Variants in IQGAP2 observed in about 807,000 individuals in gnomAD.
IQGAP2 encodes IQ motif containing GTPase activating protein 2.
A neutral mutation model predicts 201.3 loss-of-function variants in IQGAP2; 173 were observed. The ratio of observed to expected loss-of-function variants is 0.86; its 90% confidence interval spans 0.76 to 0.98. The LOEUF (loss-of-function observed/expected upper bound fraction) is 0.98, where lower values mean the gene tolerates loss of function less well. Among genes scored for constraint, IQGAP2 ranks in the 50% least tolerant of loss-of-function variants. The pLI, the probability that IQGAP2 is intolerant of heterozygous loss-of-function variation, is 0.00. For synonymous variants in IQGAP2, 675 were observed against 673.9 expected (o/e 1.00, Z -0.03); for missense variants, 1,687 against 1,864.8 (o/e 0.90, Z 1.76).
intron 7 of IQGAP2, among the ~76,000 whole-genome samples, chr5:76,589,959 C>T (rs1746530990): frequency 6.6e-6 from 1 of 152,106 alleles, no homozygotes; most frequent in Admixed American, 6.5e-5. Flanking sequence ...CTAGAAATAC[C>T]TTCATTGTCC....
At chr5:76,654,704 C>A (rs1376746000) in intron 19 of IQGAP2, among the ~76,000 whole-genome samples, 1 of 152,168 alleles carries the variant, frequency 6.6e-6, no homozygotes, top group Admixed American at 6.5e-5. Flanking sequence ...CTTTTTAGAT[C>A]TCTTTGTCTA....
intron 1 of IQGAP2, among the ~76,000 whole-genome samples, chr5:76,426,906 G>GTGTGTGTGTGTT (rs1752037433): frequency 7.2e-5 from 1 of 13,828 alleles, no homozygotes; most frequent in Non-Finnish European, 1.3e-4. Flanking sequence ...ACCATGGAGG[G>GTGTGTGTGTGTT]TGTGTGTGTG....
At chr5:76,556,795 A>G (rs1436781533) in intron 2 of IQGAP2, among the ~76,000 whole-genome samples, 1 of 152,222 alleles carries the variant, frequency 6.6e-6, no homozygotes, top group South Asian at 2.1e-4. Flanking sequence ...GGAGTTTCCA[A>G]GTTGTATCTT....
chr5:76,660,988 G>A (rs1218580946), intron 21 of IQGAP2, among the ~76,000 whole-genome samples: 1 of 152,150 alleles, frequency 6.6e-6, no homozygotes, highest in Non-Finnish European at 1.5e-5. Flanking sequence ...GGAGAAAATA[G>A]TGCCTAAGGT....
chr5:76,492,878 A>G (rs76665346), intron 2 of IQGAP2, among the ~76,000 whole-genome samples: 2,217 of 152,290 alleles, frequency 0.015, 51 homozygotes, highest in African/African-American at 0.05. Context: ...AAATCACCTT[A>G]GTTGTCACGT....
intron 13 of IQGAP2, among the ~76,000 whole-genome samples, chr5:76,619,060 A>G (rs1438143220): frequency 6.6e-6 from 1 of 152,232 alleles, no homozygotes; most frequent in Non-Finnish European, 1.5e-5. Context: ...AATGAGTAAG[A>G]TTCTGCTGGT....
intron 2 of IQGAP2, among the ~76,000 whole-genome samples, chr5:76,551,656 C>A (rs1409231343): frequency 1.3e-5 from 2 of 151,878 alleles, no homozygotes; most frequent in African/African-American, 4.8e-5. Flanking sequence ...AGCTGGAGAC[C>A]AGCCCAGCCA....
chr5:76,573,246 C>A (rs986361898), intron 4 of IQGAP2, among the ~76,000 whole-genome samples: 3 of 152,180 alleles, frequency 2.0e-5, no homozygotes, highest in African/African-American at 7.2e-5. Context: ...TAGGGCCAAA[C>A]AAGTGGTGTT....
intron 20 of IQGAP2, among the ~76,000 whole-genome samples, chr5:76,656,560 T>C (rs1232347093): frequency 6.6e-6 from 1 of 152,220 alleles, no homozygotes; most frequent in Admixed American, 6.5e-5. Flanking sequence ...TTGCTGTTGC[T>C]TTTATATATG....
chr5:76,461,504 T>G, intron 1 of IQGAP2, 66 bp from the exon 2 acceptor site: 1 of 1,077,160 alleles, frequency 9.3e-7, no homozygotes, highest in Non-Finnish European at 1.4e-6. Context: ...TTTTTCTGAT[T>G]GATTGTCTCA....
At chr5:76,529,610 A>C (rs1007774876) in intron 2 of IQGAP2, among the ~76,000 whole-genome samples, 5 of 150,496 alleles carry the variant, frequency 3.3e-5, no homozygotes, top group Non-Finnish European at 5.9e-5. Context: ...CCTGGGTGAC[A>C]GACCAAGACT....
At chr5:76,608,766 G>T (rs1748011684) in intron 12 of IQGAP2, 1 of 171,782 alleles carries the variant, frequency 5.8e-6, no homozygotes, top group Admixed American at 5.7e-5. Context: ...AACCATAAAG[G>T]AGCATTATTT....
rs566486594 is a variant in IQGAP2, at chr5:76,551,416, G to A, written c.147-10980G>A. Reference sequence around the variant, plus strand: ...GCTCCTCACATCCCAGATGATGGGCGGCCAGGCAGAGACACTCCTCACTTC... The same window carrying A: ...GCTCCTCACATCCCAGATGATGGGCAGCCAGGCAGAGACACTCCTCACTTC... On this transcript the variant is annotated intron_variant, in intron 2 of 35. Transcript: ENST00000274364. Among the ~76,000 whole-genome samples the A allele has an allele frequency of 1.4e-3, 207 of 150,014 alleles. 1 individual carries two copies. The highest frequency in any genetic ancestry group is 3.9e-3 in the African/African-American group (154 of 39,536).
chr5:76,570,714 A>C lies in IQGAP2; in HGVS notation c.381+57A>C, dbSNP rs1348546646. On this transcript the variant is annotated intron_variant, in intron 4 of 35. Transcript: ENST00000274364. ...AAAGGCAAAGGGGTAGTACACAAAC[A>C]TCTCTTTATGAGCAATGACTTTGGA... The C allele has an allele frequency of 5.3e-6, 6 of 1,126,152 alleles. No homozygotes were observed. The African/African-American group carries it at 9.2e-5, about 17-fold the overall frequency. 69.8% of individuals were successfully genotyped at this position (1,126,152 alleles called of 1,614,324 possible). A position where few individuals can be genotyped will look rare whatever the true frequency, so the allele number is the denominator to read the frequency against.
intron 2 of IQGAP2, among the ~76,000 whole-genome samples, chr5:76,533,863 C>T (rs1356393721): frequency 6.6e-6 from 1 of 152,150 alleles, no homozygotes; most frequent in Non-Finnish European, 1.5e-5. Context: ...AAAATTGTCT[C>T]TATTTATTGA....
chr5:76,482,529 A>T (rs992901051), intron 2 of IQGAP2, among the ~76,000 whole-genome samples: 1 of 152,194 alleles, frequency 6.6e-6, no homozygotes, highest in Non-Finnish European at 1.5e-5. Flanking sequence ...GATAGTACAT[A>T]CAGAAGGAAG....
intron 5 of IQGAP2, among the ~76,000 whole-genome samples, chr5:76,583,745 T>G (rs1746041369): frequency 6.6e-6 from 1 of 152,238 alleles, no homozygotes; most frequent in South Asian, 2.1e-4. Flanking sequence ...TGGAAATAGC[T>G]ATCTAACTTC....
At chr5:76,582,078 T>A (rs1047401129) in intron 5 of IQGAP2, among the ~76,000 whole-genome samples, 8 of 152,158 alleles carry the variant, frequency 5.3e-5, no homozygotes, top group Non-Finnish European at 1.2e-4. Context: ...TGTGCAGTGG[T>A]CACTATTATT....
chr5:76,454,994 G>A (rs1260461599), intron 1 of IQGAP2, among the ~76,000 whole-genome samples: 1 of 152,184 alleles, frequency 6.6e-6, no homozygotes, highest in Non-Finnish European at 1.5e-5. Context: ...TCTAACTGGT[G>A]TGAGATGGTA....
Sources: allele counts gnomAD v4.1 joint callset (sites outside exome capture counted in the v4.1 genomes callset), GRCh38; gene constraint gnomAD v4.1.1; transcripts MANE v1.5; gene names NCBI Gene and HGNC (gene_info 2026-07-23, HGNC 2026-07-21).